The following RPH3A variants were observed in gnomAD, a reference collection of about 807,000 sequenced individuals.
The protein encoded by RPH3A is rabphilin-3A.
RPH3A carries 48 observed loss-of-function variants against 102.2 expected under a neutral mutation model. The ratio of observed to expected loss-of-function variants is 0.47; its 90% confidence interval spans 0.37 to 0.60. The LOEUF (loss-of-function observed/expected upper bound fraction) is 0.60, where lower values mean the gene tolerates loss of function less well. Ranked by LOEUF, RPH3A falls within the 20% of genes least tolerant of loss-of-function variation. The pLI is 0.00. For synonymous variants in RPH3A, 310 were observed against 324.3 expected, an observed-to-expected ratio of 0.96 and a Z score of 0.47; for missense variants, 781 against 910.1, an observed-to-expected ratio of 0.86 and a Z score of 1.83.
intron 1 of RPH3A, among the ~76,000 whole-genome samples, chr12:112,719,351 A>G (rs2040536520): frequency 6.6e-6 from 1 of 152,320 alleles, no homozygotes; most frequent in Non-Finnish European, 1.5e-5. Context: ...TAATCCTGCA[A>G]GGAAACTCTG....
At chr12:112,696,077 G>A (rs1175259693) in intron 1 of RPH3A, among the ~76,000 whole-genome samples, 3 of 152,170 alleles carry the variant, frequency 2.0e-5, no homozygotes, top group Admixed American at 6.5e-5. Flanking sequence ...ATAAGCAAGA[G>A]CATACTATAT....
chr12:112,768,991 T>C (rs900426869), intron 1 of RPH3A, among the ~76,000 whole-genome samples: 2 of 152,204 alleles, frequency 1.3e-5, no homozygotes, highest in Non-Finnish European at 2.9e-5. Flanking sequence ...CAGATTATTG[T>C]TTCCTGTTAT....
At chr12:112,775,020 T>C (rs1389323463) in intron 1 of RPH3A, among the ~76,000 whole-genome samples, 1 of 147,684 alleles carries the variant, frequency 6.8e-6, no homozygotes, top group Non-Finnish European at 1.5e-5. Context: ...TATAAGAACA[T>C]GGCATATGGG....
chr12:112,784,325 T>C (rs1345976345), intron 1 of RPH3A, among the ~76,000 whole-genome samples: 1 of 152,112 alleles, frequency 6.6e-6, no homozygotes, highest in Non-Finnish European at 1.5e-5. Flanking sequence ...TTTTCCAGCC[T>C]CTCCCCTCTT....
chr12:112,713,042 TCTTCTTCTC>T (rs879453242), intron 1 of RPH3A, among the ~76,000 whole-genome samples: 2,958 of 84,810 alleles, frequency 0.035, 209 homozygotes, highest in Middle Eastern at 0.059. Context: ...TTCTTCTTCT[TCTTCTTCTC>T]CTTCTTCTTC....
chr12:112,778,813 A>T (rs141191120), intron 1 of RPH3A, among the ~76,000 whole-genome samples: 56 of 152,340 alleles, frequency 3.7e-4, no homozygotes, highest in African/African-American at 1.3e-3. Flanking sequence ...AGTTTCAGAT[A>T]GGAATCTCAT....
chr12:112,836,387 T>C, intron 3 of RPH3A, 104 bp from the exon 4 acceptor site: 1 of 557,834 alleles, frequency 1.8e-6, no homozygotes. Flanking sequence ...GTCATCATAA[T>C]TCAAGCTACG....
At chr12:112,789,747 CCATCACTATAAT>C (rs1239210401), upstream of RPH3A, among the ~76,000 whole-genome samples, 3 of 151,588 alleles carry the variant, frequency 2.0e-5, no homozygotes, top group African/African-American at 7.3e-5. Flanking sequence ...TCAATCAACA[CCATCACTATAAT>C]CATCACTATG....
At chr12:112,666,713 T>A (rs895058260) in intron 1 of RPH3A, among the ~76,000 whole-genome samples, 22 of 152,114 alleles carry the variant, frequency 1.4e-4, no homozygotes, top group African/African-American at 5.1e-4. Context: ...AAGTAGGTTC[T>A]TAGAGGTAAA....
chr12:112,663,987 C>T (rs1220740076), intron 1 of RPH3A, among the ~76,000 whole-genome samples: 1 of 152,112 alleles, frequency 6.6e-6, no homozygotes, highest in Non-Finnish European at 1.5e-5. Context: ...GGGTCAAAGG[C>T]CTACTCCATG....
At chr12:112,800,606 G>A (rs1309656379) in intron 2 of RPH3A, among the ~76,000 whole-genome samples, 6 of 152,160 alleles carry the variant, frequency 3.9e-5, no homozygotes, top group Admixed American at 3.9e-4. Flanking sequence ...GAAGCCAGGG[G>A]ACCAGTGAGG....
intron 1 of RPH3A, among the ~76,000 whole-genome samples, chr12:112,657,285 C>A (rs566142786): frequency 6.6e-6 from 1 of 151,370 alleles, no homozygotes; most frequent in Non-Finnish European, 1.5e-5. Context: ...TTTTTAATGG[C>A]GTTATTTTTT....
In RPH3A at chr12:112,869,782, C is replaced by A; in HGVS notation, c.634C>A (p.Pro212Thr). 6.2e-7 allele frequency: 1 copy of A among 1,614,092 alleles called. No homozygotes were observed. Among genetic ancestry groups the A allele is most frequent in the Non-Finnish European group, 8.5e-7 (1 of 1,180,012 alleles). The change falls in exon 9 of 22, where the codon CCG (proline) becomes ACG (threonine). Residue 212 changes from proline (P) to threonine (T), a missense_variant. Pro to Thr is a conservative substitution (Grantham distance 38). Around this residue, in one of 2 missense-constraint regions of RPH3A, gnomAD observed 730 missense variants for 810.0 expected, o/e 0.90. Transcript: ENST00000389385. ...ARGDSEDRRG[P>T]GQKTGPDPAS... ...AGGTGACAGTGAAGATAGGAGGGGC[C>A]CGGGTCAGAAGACAGGTGGGTTCTG...
chr12:112,785,366 A>T (rs1460451119), intron 1 of RPH3A, among the ~76,000 whole-genome samples: 2 of 152,178 alleles, frequency 1.3e-5, no homozygotes, highest in African/African-American at 4.8e-5. Context: ...GGTGATGGAA[A>T]TGACATTAAG....
At chr12:112,847,961 G>A in intron 5 of RPH3A, 119 bp downstream of exon 5, 1 of 1,132,034 alleles carries the variant, frequency 8.8e-7, no homozygotes, top group Non-Finnish European at 1.2e-6. Flanking sequence ...TTTGCCATTT[G>A]TGACTTACGG....
At chr12:112,639,556 C>T (rs2039871744) in intron 1 of RPH3A, among the ~76,000 whole-genome samples, 1 of 152,048 alleles carries the variant, frequency 6.6e-6, no homozygotes, top group African/African-American at 2.4e-5. Context: ...GGGTTTAATA[C>T]CCAGGTGATG....
intron 1 of RPH3A, among the ~76,000 whole-genome samples, chr12:112,727,699 G>A (rs2040604578): frequency 6.6e-6 from 1 of 151,990 alleles, no homozygotes; most frequent in African/African-American, 2.4e-5. Flanking sequence ...AAATCAAGTA[G>A]TGAAGTCAGT....
chr12:112,875,104 G>T lies in RPH3A; in HGVS notation c.817G>T (p.Val273Phe), dbSNP rs747386839. Residue 273 changes from valine (V) to phenylalanine (F), a missense_variant, in exon 11 of 22, where the codon GTC becomes TTC. Val to Phe is a conservative substitution (Grantham distance 50). Around this residue, in one of 2 missense-constraint regions of RPH3A, gnomAD observed 730 missense variants for 810.0 expected, o/e 0.90. Transcript: ENST00000389385. ...SPAGLRRANS[V>F]QASRPAPGSV... The stretch of plus-strand genomic sequence containing the variant: ...TGCAGGTTTGAGACGGGCCAACTCA[G>T]TCCAGGCCTCCAGACCTGCCCCAGG... 10 of 1,609,762 alleles carry T rather than the reference G, an allele frequency of 6.2e-6. No homozygotes were observed. The highest frequency in any genetic ancestry group is 8.5e-6 in the Non-Finnish European group (10 of 1,178,610).
intron 1 of RPH3A, among the ~76,000 whole-genome samples, chr12:112,770,050 G>A (rs2040917409): frequency 2.0e-5 from 3 of 152,118 alleles, no homozygotes; most frequent in African/African-American, 7.2e-5. Flanking sequence ...CCAACATTGT[G>A]TCTTGGAGTT....
Sources: allele counts gnomAD v4.1 joint callset (sites outside exome capture counted in the v4.1 genomes callset), GRCh38; gene constraint gnomAD v4.1.1; regional missense constraint gnomAD v4.1.1; transcripts MANE v1.5; gene names NCBI Gene and HGNC (gene_info 2026-07-23, HGNC 2026-07-21).